ZCCHC7: variants seen among roughly 807,000 people sequenced by gnomAD.
ZCCHC7 encodes zinc finger CCHC-type containing 7.
ZCCHC7 carries 35 observed loss-of-function variants against 52.0 expected under a neutral mutation model. The observed-to-expected ratio is 0.67, with a 90% CI of 0.51 to 0.89. The LOEUF (loss-of-function observed/expected upper bound fraction) is 0.89. Ranked by LOEUF, ZCCHC7 falls within the 40% of genes least tolerant of loss-of-function variation. The pLI, the probability that ZCCHC7 is intolerant of heterozygous loss-of-function variation, is 0.00. For synonymous variants in ZCCHC7, 217 were observed against 221.5 expected (o/e 0.98, Z 0.18); for missense variants, 574 against 649.1 (o/e 0.88, Z 1.26).
chr9:37,145,309 C>T (rs1843388106), intron 2 of ZCCHC7, among the ~76,000 whole-genome samples: 1 of 151,552 alleles, frequency 6.6e-6, no homozygotes, highest in Non-Finnish European at 1.5e-5. Context: ...TTTCCTTTTC[C>T]TGTTGTATTT....
Position 37,270,302 on chromosome 9 carries a change from C to G in ZCCHC7, c.611-31886C>G, listed in dbSNP as rs537932014. Among the ~76,000 whole-genome samples the G allele has an allele frequency of 2.6e-5, 4 of 152,272 alleles. No individual in the cohort carries two copies. The East Asian group carries it at 7.7e-4, about 29-fold the overall frequency. On this transcript the variant is annotated intron_variant, in intron 2 of 8. Transcript: ENST00000336755. ...GATTGGGCCTTGAGATATCCCAATA[C>G]TGAATGTCTACATATTATCAGAGTC...
intron 2 of ZCCHC7, among the ~76,000 whole-genome samples, chr9:37,290,851 C>A (rs543571576): frequency 6.6e-6 from 1 of 152,252 alleles, no homozygotes; most frequent in East Asian, 1.9e-4. Flanking sequence ...TATACTGTTT[C>A]ATCATCCTAG....
At chr9:37,147,061 A>G (rs1369007591) in intron 2 of ZCCHC7, among the ~76,000 whole-genome samples, 2 of 151,928 alleles carry the variant, frequency 1.3e-5, no homozygotes, top group Non-Finnish European at 2.9e-5. Context: ...GGCTATCCCA[A>G]AGATAATTCA....
intron 1 of ZCCHC7, among the ~76,000 whole-genome samples, chr9:37,123,254 ATT>A (rs1312502818): frequency 6.6e-6 from 1 of 151,412 alleles, no homozygotes; most frequent in East Asian, 1.9e-4. Flanking sequence ...AAAAACATAT[ATT>A]GTCTTCCAAG....
chr9:37,238,803 G>A (rs930522048), intron 2 of ZCCHC7, among the ~76,000 whole-genome samples: 6 of 151,998 alleles, frequency 3.9e-5, no homozygotes, highest in Non-Finnish European at 8.8e-5. Context: ...TTAACATCAC[G>A]ATTGCAATGA....
At chr9:37,127,907 G>A (rs778543457) in intron 2 of ZCCHC7, among the ~76,000 whole-genome samples, 1 of 152,102 alleles carries the variant, frequency 6.6e-6, no homozygotes, top group Non-Finnish European at 1.5e-5. Context: ...TGGCCCTTGT[G>A]GGAAAGCAGC....
At chr9:37,318,906 G>A (rs1256851633) in intron 5 of ZCCHC7, among the ~76,000 whole-genome samples, 2 of 144,150 alleles carry the variant, frequency 1.4e-5, no homozygotes, top group African/African-American at 5.2e-5. Flanking sequence ...TCGCATCACT[G>A]CACTCCAGCC....
At chr9:37,300,735 G>A (rs1045089507) in intron 2 of ZCCHC7, among the ~76,000 whole-genome samples, 1 of 152,170 alleles carries the variant, frequency 6.6e-6, no homozygotes, top group African/African-American at 2.4e-5. Context: ...GGAGGACAGA[G>A]GAAATCTTAG....
chr9:37,333,234 A>G (rs553470066), intron 6 of ZCCHC7, among the ~76,000 whole-genome samples: 1 of 151,776 alleles, frequency 6.6e-6, no homozygotes, highest in Non-Finnish European at 1.5e-5. Context: ...AATTTAGGAA[A>G]GATTTATCAT....
At chr9:37,293,653 T>C (rs890822046) in intron 2 of ZCCHC7, among the ~76,000 whole-genome samples, 2 of 152,200 alleles carry the variant, frequency 1.3e-5, no homozygotes, top group African/African-American at 4.8e-5. Flanking sequence ...TTATATTGAC[T>C]GTTTCTGTTG....
At chr9:37,140,707 T>C (rs1843182791) in intron 2 of ZCCHC7, among the ~76,000 whole-genome samples, 1 of 152,088 alleles carries the variant, frequency 6.6e-6, no homozygotes, top group Admixed American at 6.6e-5. Context: ...TTTCAAACCA[T>C]GTTGGTTAGT....
intron 2 of ZCCHC7, among the ~76,000 whole-genome samples, chr9:37,270,222 A>C (rs1471976400): frequency 6.6e-6 from 1 of 152,232 alleles, no homozygotes; most frequent in African/African-American, 2.4e-5. Context: ...ATCTCACATT[A>C]GTGGCTTGCA....
intron 2 of ZCCHC7, among the ~76,000 whole-genome samples, chr9:37,278,257 C>G (rs1212766205): frequency 6.6e-6 from 1 of 152,010 alleles, no homozygotes. Context: ...TTAGTTATGA[C>G]TATGCTCAAG....
intron 2 of ZCCHC7, among the ~76,000 whole-genome samples, chr9:37,223,636 A>G (rs1033889824): frequency 6.6e-6 from 1 of 152,174 alleles, no homozygotes; most frequent in Admixed American, 6.5e-5. Flanking sequence ...TTAAGATGAC[A>G]AATCTTACGT....
intron 2 of ZCCHC7, among the ~76,000 whole-genome samples, chr9:37,262,821 C>T (rs57311634): frequency 0.039 from 5,917 of 152,198 alleles, 401 homozygotes; most frequent in African/African-American, 0.14. Flanking sequence ...TGTAGGCATT[C>T]TATCCACCTG....
At chr9:37,229,187 A>G (rs1825276062) in intron 2 of ZCCHC7, among the ~76,000 whole-genome samples, 1 of 152,184 alleles carries the variant, frequency 6.6e-6, no homozygotes, top group Non-Finnish European at 1.5e-5. Context: ...TTAATGGCTC[A>G]CAGCTTCTTT....
At chr9:37,142,941 C>T (rs934026429) in intron 2 of ZCCHC7, among the ~76,000 whole-genome samples, 2 of 151,692 alleles carry the variant, frequency 1.3e-5, no homozygotes, top group East Asian at 1.9e-4. Context: ...AGCAAATGTT[C>T]GTGGAAAATG....
chr9:37,269,551 C>T (rs1246009511), intron 2 of ZCCHC7, among the ~76,000 whole-genome samples: 3 of 133,612 alleles, frequency 2.2e-5, no homozygotes, highest in South Asian at 4.8e-4. Flanking sequence ...CTGGGGAGAT[C>T]GAGACTGCAG....
chr9:37,318,959 AAG>A (rs1478919786), intron 5 of ZCCHC7, among the ~76,000 whole-genome samples: 2 of 151,744 alleles, frequency 1.3e-5, no homozygotes, highest in African/African-American at 2.4e-5. Flanking sequence ...AAAAAAAAAA[AAG>A]AGTAAAATAT....
Sources: gnomAD v4.1 joint callset for allele counts (sites outside exome capture counted in the v4.1 genomes callset) on GRCh38, gnomAD v4.1.1 for gene constraint, MANE v1.5 for transcripts, NCBI Gene and HGNC (gene_info 2026-07-23, HGNC 2026-07-21) for gene names.